The following LCK variants were observed in gnomAD, a reference collection of about 807,000 sequenced individuals.
LCK encodes LCK proto-oncogene, Src family tyrosine kinase, also known as tyrosine-protein kinase Lck.
In LCK, 14 loss-of-function variants were observed where a neutral mutation model predicts 64.6. That is an observed-to-expected ratio of 0.22 (90% CI 0.14 to 0.34). The LOEUF is 0.34. LCK is among the 10% of genes least tolerant of loss of function. The pLI is 1.00. For missense variants in LCK, 434 were observed against 668.1 expected (o/e 0.65, Z 3.86); for synonymous variants, 277 against 263.6 (o/e 1.05, Z -0.49).
intron 12 of LCK, among the ~76,000 whole-genome samples, chr1:32,280,456 T>C (rs1234511141): frequency 4.8e-5 from 6 of 125,654 alleles, no homozygotes; most frequent in Non-Finnish European, 6.9e-5. Context: ...TTTTTTTTTT[T>C]TTTTTTTTTT....
intron 1 of LCK, among the ~76,000 whole-genome samples, chr1:32,272,573 A>AAGAGAGAGAAAGAAAGAG (rs1640105875): frequency 1.4e-5 from 1 of 71,864 alleles, no homozygotes; most frequent in Non-Finnish European, 2.6e-5. Flanking sequence ...ACCCTGTCTC[A>AAGAGAGAGAAAGAAAGAG]AGAGAGAGAG....
chr1:32,265,196 A>C (rs1639878388), intron 1 of LCK, among the ~76,000 whole-genome samples: 1 of 152,188 alleles, frequency 6.6e-6, no homozygotes, highest in Admixed American at 6.6e-5. Flanking sequence ...AAAAAAAAAA[A>C]ATGTAATCAG....
At position 32,286,144 on chromosome 1, in the gene LCK, A is replaced by C; in HGVS notation, c.*428A>C. 7.4e-6 allele frequency: 2 copies of C among 270,554 alleles called. No individual in the cohort carries two copies. The highest frequency in any genetic ancestry group is 2.1e-5 in the African/African-American group (1 of 47,702). The allele number at this position is 270,554 out of a possible 1,614,324, so 16.8% of individuals were successfully genotyped here. ...CTGGCACACATCAGGAGTTCAATAAATGTCTGTTGATGACTGTTGTACATC... is the reference window on the plus strand; with the variant it reads ...CTGGCACACATCAGGAGTTCAATAACTGTCTGTTGATGACTGTTGTACATC... On this transcript the variant is annotated 3_prime_UTR_variant, in exon 13 of 13. Transcript: ENST00000336890.
At position 32,280,164 on chromosome 1, in the gene LCK, G is replaced by A. The variant is rs753994485; in HGVS notation, c.1281G>A (p.Gly427=). 2 of 1,614,108 alleles carry A rather than the reference G, an allele frequency of 1.2e-6. No individual in the cohort carries two copies. The change falls in exon 12 of 13, where the codon GGG becomes GGA. Residue 427 remains glycine (G), a synonymous_variant. Transcript: ENST00000336890. The part of the protein sequence containing the change: ...FTIKSDVWSF[G]ILLTEIVTHG... The stretch of plus-strand genomic sequence containing the variant: ...TCAAGTCAGATGTGTGGTCTTTTGG[G>A]ATCCTGCTGACGGAAATTGTCACCC...
At chr1:32,274,078 G>C in intron 1 of LCK, 1 of 710,448 alleles carries the variant, frequency 1.4e-6, no homozygotes, top group East Asian at 3.1e-5. Context: ...GCCCATCCCA[G>C]GTGGGAGGGT....
chr1:32,269,494 C>T lies in LCK; in HGVS notation c.-5-4831C>T, dbSNP rs142916342. On this transcript the variant is annotated intron_variant, in intron 1 of 12. Transcript: ENST00000336890. ...TGTCACCTAGGCTAGAGTGCAATGG[C>T]GTGGTCTCAGCTCACTGCAACCTCC... 209 of 151,642 alleles carry T rather than the reference C, an allele frequency of 1.4e-3. 3 individuals carry two copies. The highest frequency in any genetic ancestry group is 4.8e-3 in the African/African-American group (200 of 41,372). The allele number at this position is 151,642 out of a possible 1,614,324, so 9.4% of individuals were successfully genotyped here. A position where few individuals can be genotyped will look rare whatever the true frequency, so the allele number is the denominator to read the frequency against.
At chr1:32,262,168 G>A (rs1270307686) in intron 1 of LCK, among the ~76,000 whole-genome samples, 1 of 144,098 alleles carries the variant, frequency 6.9e-6, no homozygotes, top group Non-Finnish European at 1.5e-5. Context: ...ACAGGTGTGA[G>A]CCACGGCCCC....
At chr1:32,263,446 T>TAAAA (rs1422233068) in intron 1 of LCK, among the ~76,000 whole-genome samples, 42 of 136,858 alleles carry the variant, frequency 3.1e-4, no homozygotes, top group Admixed American at 1.9e-3. Context: ...AATAAATAAA[T>TAAAA]AAAAATTAGA....
intron 1 of LCK, among the ~76,000 whole-genome samples, chr1:32,266,683 CT>C (rs1387808028): frequency 1.3e-5 from 1 of 74,498 alleles, no homozygotes; most frequent in East Asian, 5.2e-4. Context: ...TCCCCCTCCC[CT>C]TCCCCCTCCT....
intron 12 of LCK, among the ~76,000 whole-genome samples, chr1:32,282,815 TATAAATAAATTAA>T (rs1402311558): frequency 2.6e-5 from 4 of 151,204 alleles, no homozygotes; most frequent in African/African-American, 7.3e-5. Flanking sequence ...CAAAAATAAA[TATAAATAAATTAA>T]ATAAATAAAT....
Position 32,279,697 on chromosome 1 carries a change from C to T in LCK, c.991C>T (p.Pro331Ser). The change falls in exon 10 of 13, where the codon CCT (proline) becomes TCT (serine). Residue 331 changes from proline to serine, a missense_variant. Physicochemically the swap from Pro to Ser is moderately conservative, Grantham distance 74. Transcript: ENST00000336890. ...GAGTCTAGTGGATTTTCTCAAGACC[C>T]CTTCAGGCATCAAGTTGACCATCAA... ...NGSLVDFLKT[P>S]SGIKLTINKL... 1 of 1,613,918 alleles carries T rather than the reference C, an allele frequency of 6.2e-7. No individual in the cohort carries two copies. Among genetic ancestry groups the T allele is most frequent in the South Asian group, 1.1e-5 (1 of 91,070 alleles).
At chr1:32,264,726 C>A (rs1053642992) in intron 1 of LCK, among the ~76,000 whole-genome samples, 4 of 152,076 alleles carry the variant, frequency 2.6e-5, no homozygotes, top group Non-Finnish European at 5.9e-5. Context: ...TACTAAGCTA[C>A]CTCATTTAGA....
chr1:32,276,162 C>A lies in LCK; in HGVS notation c.631+99C>A. 6.7e-7 allele frequency: 1 copy of A among 1,494,362 alleles called. No homozygotes were observed. Among genetic ancestry groups the A allele is most frequent in the Admixed American group, 1.8e-5 (1 of 56,840 alleles). 92.6% of individuals were successfully genotyped at this position (1,494,362 alleles called of 1,614,324 possible). A position where few individuals can be genotyped will look rare whatever the true frequency, so the allele number is the denominator to read the frequency against. On this transcript the variant is annotated intron_variant, in intron 7 of 12. Coordinates refer to ENST00000336890, the MANE Select transcript of LCK (RefSeq NM_005356.5). The surrounding 1 kb of genome is among the most constrained non-coding windows in gnomAD (Gnocchi z 4.6). ...CCATCTTTCAATGCCCTACTCCATT[C>A]CCCGCAGTGGGTGAGGTGTGGAACC...
At chr1:32,285,128 C>A (rs1640576091) in intron 12 of LCK, among the ~76,000 whole-genome samples, 2 of 151,916 alleles carry the variant, frequency 1.3e-5, no homozygotes, top group Non-Finnish European at 2.9e-5. Context: ...CATGGAGAAA[C>A]CCGTCTCTAC....
intron 12 of LCK, 79 bp from the exon 13 acceptor site, chr1:32,285,435 G>A: frequency 7.7e-7 from 1 of 1,290,546 alleles, no homozygotes; most frequent in South Asian, 1.2e-5. Context: ...CACTGTGCCA[G>A]TTAAATATTC....
In LCK at chr1:32,276,696, A is replaced by G; in HGVS notation, c.874A>G (p.Met292Val). 6.2e-7 allele frequency: 1 copy of G among 1,614,108 alleles called. No homozygotes were observed. Among genetic ancestry groups the G allele is most frequent in the Non-Finnish European group, 8.5e-7 (1 of 1,180,018 alleles). The change falls in exon 9 of 13, where the codon ATG (methionine) becomes GTG (valine). Residue 292 changes from methionine to valine, a missense_variant. This residue lies in a region of LCK where 201 missense variants were observed against 376.9 expected (regional missense o/e 0.53). Transcript: ENST00000336890. The surrounding 1 kb of genome is among the most constrained non-coding windows in gnomAD (Gnocchi z 4.6). ...PDAFLAEANLMKQLQHQRLVR... is the reference protein window; with the variant it reads ...PDAFLAEANLVKQLQHQRLVR... ...CGCCTTCCTGGCCGAGGCCAACCTC[A>G]TGAAGCAGCTGCAACACCAGCGGCT...
chr1:32,274,974 A>G lies in LCK; in HGVS notation c.188-19A>G. ...GCCGATCCCAGCTCGGTTCTCCCTG[A>G]TGCCCCTTGTCTTTACAGACAACCT... On this transcript the variant is annotated intron_variant, in intron 3 of 12. Coordinates refer to ENST00000336890, the MANE Select transcript of LCK (RefSeq NM_005356.5). The G allele has an allele frequency of 6.2e-7, 1 of 1,614,082 alleles. No homozygotes were observed. Among genetic ancestry groups the G allele is most frequent in the Middle Eastern group, 1.7e-4 (1 of 6,060 alleles).
intron 1 of LCK, among the ~76,000 whole-genome samples, chr1:32,270,854 C>T (rs1243614087): frequency 6.6e-6 from 1 of 151,548 alleles, no homozygotes; most frequent in Non-Finnish European, 1.5e-5. Context: ...CAGGCACCTG[C>T]CACCAAGCCC....
intron 1 of LCK, among the ~76,000 whole-genome samples, chr1:32,271,506 C>T (rs1640081057): frequency 6.6e-6 from 1 of 152,106 alleles, no homozygotes; most frequent in Non-Finnish European, 1.5e-5. Flanking sequence ...GCAATACCCC[C>T]ATCTCTAGAA....
Sources: allele counts gnomAD v4.1 joint callset (sites outside exome capture counted in the v4.1 genomes callset), GRCh38; gene constraint gnomAD v4.1.1; regional missense constraint gnomAD v4.1.1; non-coding constraint Gnocchi (gnomAD v3.1); transcripts MANE v1.5; gene names NCBI Gene and HGNC (gene_info 2026-07-23, HGNC 2026-07-21).